ASB15: variants seen among roughly 807,000 people sequenced by gnomAD.
The protein encoded by ASB15 is ankyrin repeat and SOCS box containing 15.
ASB15 carries 54 observed loss-of-function variants against 58.0 expected under a neutral mutation model. The ratio of observed to expected loss-of-function variants is 0.93; its 90% CI spans 0.75 to 1.17. The LOEUF (loss-of-function observed/expected upper bound fraction) is 1.17. ASB15 is among the 50% of genes most tolerant of loss of function. ASB15 has a pLI of 0.00. For synonymous variants in ASB15, 249 were observed against 262.4 expected (o/e 0.95, Z 0.50); for missense variants, 680 against 707.4 (o/e 0.96, Z 0.44).
At chr7:123,586,690 T>C (rs1326787644) in intron 1 of ASB15, among the ~76,000 whole-genome samples, 1 of 151,728 alleles carries the variant, frequency 6.6e-6, no homozygotes, top group Non-Finnish European at 1.5e-5. Context: ...AGTTTTACAG[T>C]TTCAAGTCTT....
rs908709959 is a variant in ASB15 at position 123,626,982 on chromosome 7, C to T, written c.698-128C>T. ...CGAACTCCTGACCTCATGATCCGCC[C>T]GCCTCAGCCTCCAGTGCTGGGATTA... On this transcript the variant is annotated intron_variant, in intron 8 of 11. Transcript: ENST00000451215. The T allele has an allele frequency of 2.0e-4, 181 of 923,826 alleles. No homozygotes were observed. The African/African-American group carries it at 2.2e-3, about 11-fold the overall frequency. 57.2% of individuals were successfully genotyped at this position (923,826 alleles called of 1,614,324 possible). A position where few individuals can be genotyped will look rare whatever the true frequency, so the allele number is the denominator to read the frequency against.
intron 1 of ASB15, among the ~76,000 whole-genome samples, chr7:123,569,636 G>T (rs1798852219): frequency 6.6e-6 from 1 of 152,152 alleles, no homozygotes; most frequent in Non-Finnish European, 1.5e-5. Context: ...GAAGAAAGGT[G>T]GACAAGGTTA....
upstream of ASB15, among the ~76,000 whole-genome samples, chr7:123,599,533 A>G (rs923221626): frequency 4.6e-5 from 7 of 152,234 alleles, 1 homozygote; most frequent in Admixed American, 4.6e-4. Flanking sequence ...CCTGTGGGCA[A>G]AGTGAGGCTG....
At position 123,637,916 on chromosome 7, in the gene ASB15, C is replaced by G. The variant is rs1272300113; in HGVS notation, c.*935C>G. The G allele has an allele frequency of 3.8e-5, 3 of 78,064 alleles. No individual in the cohort carries two copies. The highest frequency in any genetic ancestry group is 5.7e-5 in the Non-Finnish European group (2 of 35,344). 4.8% of individuals were successfully genotyped at this position (78,064 alleles called of 1,614,324 possible). Reference sequence around the variant, plus strand: ...AAAAAAAAAACCTCTTTCCCGAGCTCAGTAGTTAGCACAATGCTCAATTCA... The same window carrying G: ...AAAAAAAAAACCTCTTTCCCGAGCTGAGTAGTTAGCACAATGCTCAATTCA... On this transcript the variant is annotated 3_prime_UTR_variant, in exon 12 of 12. Transcript: ENST00000451215.
intron 3 of ASB15, among the ~76,000 whole-genome samples, chr7:123,613,056 C>A (rs1800563310): frequency 6.6e-6 from 1 of 151,808 alleles, no homozygotes; most frequent in Non-Finnish European, 1.5e-5. Context: ...CGTGTGTGGT[C>A]TCTGAACATT....
At chr7:123,586,032 T>C (rs1460828959) in intron 1 of ASB15, among the ~76,000 whole-genome samples, 1 of 151,858 alleles carries the variant, frequency 6.6e-6, no homozygotes, top group Non-Finnish European at 1.5e-5. Context: ...AATGCTGCAA[T>C]GAATATGGAA....
intron 7 of ASB15, among the ~76,000 whole-genome samples, chr7:123,623,377 C>A (rs567120991): frequency 2.6e-4 from 40 of 152,260 alleles, no homozygotes; most frequent in African/African-American, 9.6e-4. Context: ...TGGGGACAAT[C>A]TCTTAATAAT....
At chr7:123,617,203 T>TACATTCAAGTACATTCTCCATTCCC (rs1346618653) in intron 6 of ASB15, among the ~76,000 whole-genome samples, 1 of 152,204 alleles carries the variant, frequency 6.6e-6, no homozygotes, top group Non-Finnish European at 1.5e-5. Flanking sequence ...CAGCGATACC[T>TACATTCAAGTACATTCTCCATTCCC]ACATTCAAGT....
At chr7:123,584,220 G>A (rs1054230026) in intron 1 of ASB15, among the ~76,000 whole-genome samples, 2 of 148,796 alleles carry the variant, frequency 1.3e-5, no homozygotes, top group African/African-American at 5.0e-5. Context: ...TGAGTTCCAG[G>A]AGGATCACTG....
chr7:123,628,595 C>T (rs1801946100), intron 9 of ASB15, among the ~76,000 whole-genome samples: 1 of 152,118 alleles, frequency 6.6e-6, no homozygotes, highest in Non-Finnish European at 1.5e-5. Flanking sequence ...GGGGCGTGTT[C>T]TTGAGGAACT....
chr7:123,578,058 A>G (rs1799114089), intron 1 of ASB15, among the ~76,000 whole-genome samples: 1 of 150,540 alleles, frequency 6.6e-6, no homozygotes, highest in Admixed American at 6.7e-5. Flanking sequence ...CCACCCCATG[A>G]CAGGCCCCGG....
At chr7:123,602,854 CGT>C (rs1799953058) in intron 1 of ASB15, among the ~76,000 whole-genome samples, 1 of 152,068 alleles carries the variant, frequency 6.6e-6, no homozygotes, top group Non-Finnish European at 1.5e-5. Context: ...ACTGGTTAAG[CGT>C]GTGTGGCCTC....
rs1176571240 is a variant in ASB15, at chr7:123,616,434, G to T, written c.231G>T (p.Trp77Cys). 1 of 1,610,240 alleles carries T rather than the reference G, an allele frequency of 6.2e-7. No individual in the cohort carries two copies. Among genetic ancestry groups the T allele is most frequent in the Non-Finnish European group, 8.5e-7 (1 of 1,176,782 alleles). Residue 77 changes from tryptophan to cysteine, a missense_variant, in exon 6 of 12, where the codon TGG (tryptophan) becomes TGT (cysteine). Trp to Cys is a radical substitution (Grantham distance 215). Transcript: ENST00000451215. The stretch of plus-strand genomic sequence containing the variant: ...TGGATGAAGCTGATGAAAAAGGATG[G>T]TTTCCATTGCATGAAGCTGTTGTTC... ...YAMDEADEKG[W>C]FPLHEAVVQP...
chr7:123,615,632 C>T (rs528555733), intron 4 of ASB15: 2 of 152,304 alleles, frequency 1.3e-5, no homozygotes, highest in East Asian at 3.9e-4. Context: ...ACCTGCTGGG[C>T]CAGTGATTGG....
intron 1 of ASB15, among the ~76,000 whole-genome samples, chr7:123,581,169 A>G (rs1215861254): frequency 3.3e-5 from 5 of 151,944 alleles, no homozygotes; most frequent in African/African-American, 1.2e-4. Context: ...CTCTGAGAGC[A>G]TGAATGTTGC....
rs1251637892 is a variant in ASB15 at position 123,617,730 on chromosome 7, T to G, written c.444T>G (p.Leu148=). 1 of 1,607,848 alleles carries G rather than the reference T, an allele frequency of 6.2e-7. No homozygotes were observed. Among genetic ancestry groups the G allele is most frequent in the Non-Finnish European group, 8.5e-7 (1 of 1,176,716 alleles). ...AAAATGATAAAGGAGAGACCCCCCT[T>G]CTGATTGGTAAATGACCTTTTTTTC... ...NTKNDKGETP[L]LIAVKKGSYD... is the part of the protein sequence containing the mutation. Residue 148 remains leucine (L), a synonymous_variant, in exon 7 of 12, where the codon CTT becomes CTG. Coordinates refer to ENST00000451215, the MANE Select transcript of ASB15 (RefSeq NM_001290258.2).
chr7:123,616,359 T>C lies in ASB15; in HGVS notation c.161-5T>C. 1 of 1,610,342 alleles carries C rather than the reference T, an allele frequency of 6.2e-7. No individual in the cohort carries two copies. Among genetic ancestry groups the C allele is most frequent in the Non-Finnish European group, 8.5e-7 (1 of 1,176,954 alleles). ...ATTAGTCATCAGTCCATGTGTTTAATTTAGGTCACATTCCTGAGCTCCAGG... is the reference window on the plus strand; with the variant it reads ...ATTAGTCATCAGTCCATGTGTTTAACTTAGGTCACATTCCTGAGCTCCAGG... On this transcript the variant is annotated splice_region_variant and splice_polypyrimidine_tract_variant and intron_variant, in intron 5 of 11. Transcript: ENST00000451215.
intron 1 of ASB15, among the ~76,000 whole-genome samples, chr7:123,588,017 T>C (rs1439355863): frequency 6.6e-6 from 1 of 151,772 alleles, no homozygotes; most frequent in Non-Finnish European, 1.5e-5. Flanking sequence ...TGTCCTTGTC[T>C]GGCTTTGGTA....
At chr7:123,614,727 A>G (rs544018505) in intron 4 of ASB15, 118 bp downstream of exon 4, 2 of 735,610 alleles carry the variant, frequency 2.7e-6, no homozygotes, top group East Asian at 5.2e-5. Context: ...TTCCTTTCTG[A>G]TAGGGAATCT....
Sources: gnomAD v4.1 joint callset for allele counts (sites outside exome capture counted in the v4.1 genomes callset) on GRCh38, gnomAD v4.1.1 for gene constraint, MANE v1.5 for transcripts, NCBI Gene and HGNC (gene_info 2026-07-23, HGNC 2026-07-21) for gene names.